The following PLD1 variants were observed in gnomAD, a reference collection of about 807,000 sequenced individuals.
PLD1 encodes the protein choline phosphatase 1.
In PLD1, 112 loss-of-function variants were observed where a neutral mutation model predicts 137.1. That is an observed-to-expected ratio of 0.82 (90% confidence interval 0.70 to 0.96). The LOEUF is 0.96. PLD1 is among the 40% of genes least tolerant of loss of function. The pLI is 0.00. For missense variants in PLD1, 1,321 were observed against 1,342.0 expected (o/e 0.98, Z 0.24); for synonymous variants, 431 against 454.7 (o/e 0.95, Z 0.66).
chr3:171,687,566 T>G lies in PLD1; in HGVS notation c.1558A>C (p.Met520Leu). 6.2e-7 allele frequency: 1 copy of G among 1,613,470 alleles called. No individual in the cohort carries two copies. The highest frequency in any genetic ancestry group is 8.5e-7 in the Non-Finnish European group (1 of 1,179,548). ...TTATCTTTGAGTCTTAAGGATTCCA[T>G]AGACTCCATTGCGGCAGGCTGAGAA... is the stretch of plus-strand genomic sequence containing the variant. ...GSLPPAAMES[M>L]ESLRLKDKNE... The change falls in exon 15 of 27, where the codon ATG (methionine) becomes CTG (leucine). Residue 520 changes from methionine (M) to leucine (L), a missense_variant. Physicochemically the swap from Met to Leu is conservative, Grantham distance 15. Coordinates refer to ENST00000351298, the MANE Select transcript of PLD1 (RefSeq NM_002662.5).
At chr3:171,702,190 A>C (rs1178468971) in intron 11 of PLD1, among the ~76,000 whole-genome samples, 2 of 152,176 alleles carry the variant, frequency 1.3e-5, no homozygotes, top group African/African-American at 2.4e-5. Flanking sequence ...GCTAAAAATA[A>C]ATGACAAAAA....
Position 171,737,857 on chromosome 3 carries a change from C to T in PLD1, c.160+35G>A, listed in dbSNP as rs769268409. The T allele has an allele frequency of 3.2e-5, 50 of 1,586,304 alleles. No homozygotes were observed. The Admixed American group carries it at 3.5e-4, about 11-fold the overall frequency. ...TGGTCTTCCGACCAACCGAGATAAA[C>T]TCTTTTCTTCCCCGCTCAGATCATC... On this transcript the variant is annotated intron_variant, in intron 2 of 26. Coordinates refer to ENST00000351298, the MANE Select transcript of PLD1 (RefSeq NM_002662.5).
At chr3:171,621,619 C>T (rs1733637892) in intron 23 of PLD1, among the ~76,000 whole-genome samples, 1 of 152,088 alleles carries the variant, frequency 6.6e-6, no homozygotes, top group African/African-American at 2.4e-5. Context: ...TTAGAGATAG[C>T]TCTCCCCTCA....
At chr3:171,683,172 T>C (rs1207012530) in intron 16 of PLD1, among the ~76,000 whole-genome samples, 2 of 152,178 alleles carry the variant, frequency 1.3e-5, no homozygotes, top group African/African-American at 4.8e-5. Flanking sequence ...GTCCTCTCCA[T>C]CTCTCACATC....
Position 171,709,842 on chromosome 3 carries a change from T to C in PLD1, c.912-133A>G, listed in dbSNP as rs1009334816. On this transcript the variant is annotated intron_variant, in intron 9 of 26. Coordinates refer to ENST00000351298, the MANE Select transcript of PLD1 (RefSeq NM_002662.5). ...ACATCAAGAAAGCAGGCATTTAACA[T>C]TTTTTGGTAGTATTTCTAAAAATAT... 1.4e-5 allele frequency: 10 copies of C among 699,370 alleles called. No individual in the cohort carries two copies. In the African/African-American group the frequency reaches 1.8e-4, roughly 13 times the overall value. 43.3% of individuals were successfully genotyped at this position (699,370 alleles called of 1,614,324 possible).
intron 8 of PLD1, among the ~76,000 whole-genome samples, chr3:171,720,677 A>G (rs944809257): frequency 1.3e-5 from 2 of 152,118 alleles, no homozygotes; most frequent in African/African-American, 4.8e-5. Flanking sequence ...CAAAAATGTG[A>G]CTCAGGAAAT....
chr3:171,809,779 T>C (rs1353516267), intron 1 of PLD1: 1 of 152,236 alleles, frequency 6.6e-6, no homozygotes, highest in African/African-American at 2.4e-5. Flanking sequence ...ACACCTTCAA[T>C]CGTATTGTGA....
In PLD1 at chr3:171,672,207, T is replaced by G. The variant is rs1712841351; in HGVS notation, c.2229+2293A>C. Among the ~76,000 whole-genome samples the G allele has an allele frequency of 2.6e-5, 4 of 152,318 alleles. No homozygotes were observed. In the South Asian group the frequency reaches 8.3e-4, roughly 32 times the overall value. ...GACCATACCTTGCACTGTAACTGAA[T>G]TATTCATCTCAGCTATCTCTCCCCA... is the stretch of plus-strand genomic sequence containing the variant. On this transcript the variant is annotated intron_variant, in intron 19 of 26. Transcript: ENST00000351298.
In PLD1 at chr3:171,699,833, C is replaced by A. The variant is rs531649597; in HGVS notation, c.1146-7G>T. The A allele has an allele frequency of 3.8e-5, 61 of 1,607,450 alleles. No individual in the cohort carries two copies. The South Asian group carries it at 6.0e-4, about 16-fold the overall frequency. On this transcript the variant is annotated splice_polypyrimidine_tract_variant and splice_region_variant and intron_variant, in intron 11 of 26. Transcript: ENST00000351298. ...GAAGATTTCTGGACTCAGCCTGAAA[C>A]AATGAAACCAAGATTTTAAGTAACT...
At chr3:171,722,649 C>T (rs1227898948) in intron 8 of PLD1, among the ~76,000 whole-genome samples, 1 of 152,062 alleles carries the variant, frequency 6.6e-6, no homozygotes, top group Non-Finnish European at 1.5e-5. Flanking sequence ...TGTATCAGAA[C>T]TTCATATCCT....
chr3:171,802,727 A>T (rs1280906376), intron 1 of PLD1, among the ~76,000 whole-genome samples: 1 of 152,232 alleles, frequency 6.6e-6, no homozygotes, highest in Non-Finnish European at 1.5e-5. Flanking sequence ...CCTAGTTAGA[A>T]ACCCAGGCTC....
rs148109529 is a variant in PLD1, at chr3:171,633,509, A to G, written c.2593+9331T>C. 2.6e-5 allele frequency among the ~76,000 whole-genome samples: 4 copies of G among 152,240 alleles called. No individual in the cohort carries two copies. In the East Asian group the frequency reaches 7.7e-4, roughly 29 times the overall value. On this transcript the variant is annotated intron_variant, in intron 23 of 26. Coordinates refer to ENST00000351298, the MANE Select transcript of PLD1 (RefSeq NM_002662.5). ...GCGGGGATGGGAGGCTAGGGGAGGGATAGCATTAGGAAAAATCTCTAATGT... is the reference window on the plus strand; with the variant it reads ...GCGGGGATGGGAGGCTAGGGGAGGGGTAGCATTAGGAAAAATCTCTAATGT...
At chr3:171,799,883 A>G (rs1236591310) in intron 1 of PLD1, among the ~76,000 whole-genome samples, 1 of 144,142 alleles carries the variant, frequency 6.9e-6, no homozygotes, top group Non-Finnish European at 1.5e-5. Context: ...CCTAACCAGT[A>G]CCCCTCAAAA....
intron 23 of PLD1, among the ~76,000 whole-genome samples, chr3:171,632,074 G>A (rs1734715651): frequency 6.6e-6 from 1 of 152,150 alleles, no homozygotes; most frequent in Non-Finnish European, 1.5e-5. Context: ...AGTGATCAAA[G>A]TTAATATAAC....
At chr3:171,776,018 C>T (rs1403499896) in intron 1 of PLD1, among the ~76,000 whole-genome samples, 9 of 152,172 alleles carry the variant, frequency 5.9e-5, no homozygotes, top group East Asian at 3.8e-4. Flanking sequence ...CTTTCTACCA[C>T]GTGACTCCAC....
chr3:171,754,929 T>C (rs1243217092), intron 1 of PLD1, among the ~76,000 whole-genome samples: 2 of 152,202 alleles, frequency 1.3e-5, no homozygotes, highest in African/African-American at 4.8e-5. Context: ...GAGACTCAGC[T>C]ACTACTATAT....
intron 16 of PLD1, among the ~76,000 whole-genome samples, chr3:171,685,344 A>G (rs181681326): frequency 1.6e-4 from 24 of 152,322 alleles, no homozygotes; most frequent in African/African-American, 5.8e-4. Flanking sequence ...CATGTGAGCT[A>G]GACTGTAACT....
chr3:171,752,346 A>G (rs1720725576), intron 1 of PLD1, among the ~76,000 whole-genome samples: 1 of 152,256 alleles, frequency 6.6e-6, no homozygotes, highest in African/African-American at 2.4e-5. Flanking sequence ...CGCAGTTAGC[A>G]AGGAGTCCAA....
At chr3:171,776,368 C>A (rs935144267) in intron 1 of PLD1, among the ~76,000 whole-genome samples, 1 of 152,210 alleles carries the variant, frequency 6.6e-6, no homozygotes, top group African/African-American at 2.4e-5. Context: ...CACTTCTCTC[C>A]AGGCTTCTAT....
Sources: gnomAD v4.1 joint callset for allele counts (sites outside exome capture counted in the v4.1 genomes callset) on GRCh38, gnomAD v4.1.1 for gene constraint, MANE v1.5 for transcripts, NCBI Gene and HGNC (gene_info 2026-07-23, HGNC 2026-07-21) for gene names.